The following MAP3K5 variants were observed in gnomAD, a reference collection of about 807,000 sequenced individuals.
MAP3K5 encodes the protein ASK-1.
Under a neutral mutation model 158.7 loss-of-function variants are expected in MAP3K5, and 56 were observed. The ratio of observed to expected loss-of-function variants is 0.35; its 90% CI spans 0.28 to 0.44. The LOEUF (loss-of-function observed/expected upper bound fraction) is 0.44, where lower values mean the gene tolerates loss of function less well. MAP3K5 is among the 20% of genes least tolerant of loss of function. MAP3K5 has a pLI of 1.00. For missense variants in MAP3K5, 1,294 were observed against 1,674.8 expected (o/e 0.77, Z 3.97); for synonymous variants, 579 against 601.7 (o/e 0.96, Z 0.55).
Position 136,592,573 on chromosome 6 carries a change from C to A in MAP3K5, c.2920G>T (p.Glu974Ter). 1 of 1,613,794 alleles carries A rather than the reference C, an allele frequency of 6.2e-7. No homozygotes were observed. The highest frequency in any genetic ancestry group is 8.5e-7 in the Non-Finnish European group (1 of 1,179,818). The change falls in exon 22 of 30, where the codon GAG (glutamate) becomes TAG (stop). Residue 974 changes from glutamate to a stop codon, truncating the protein, a stop_gained. Coordinates refer to ENST00000359015, the MANE Select transcript of MAP3K5 (RefSeq NM_005923.4). LOFTEE classifies it high-confidence loss of function. ...TACTCACTGCTGCTGCTGGTGTCCT[C>A]CACCAGCACAGGTACCGGCAAGGAT... ...SISLPVPVLV[E>*]DTSSSSEYGS...
intron 2 of MAP3K5, among the ~76,000 whole-genome samples, chr6:136,708,324 T>C (rs1027587847): frequency 2.0e-5 from 3 of 152,080 alleles, no homozygotes; most frequent in African/African-American, 2.4e-5. Context: ...GGCATGATCA[T>C]GGCTCACTGC....
intron 2 of MAP3K5, 53 bp downstream of exon 2, chr6:136,720,397 T>C: frequency 5.4e-6 from 8 of 1,476,708 alleles, no homozygotes; most frequent in Middle Eastern, 1.8e-4. Flanking sequence ...GACAAACCGG[T>C]ATCCCTGAAA....
chr6:136,674,723 G>A (rs1199677906), intron 7 of MAP3K5, among the ~76,000 whole-genome samples: 2 of 151,914 alleles, frequency 1.3e-5, no homozygotes, highest in Non-Finnish European at 2.9e-5. Flanking sequence ...AAGGCACACT[G>A]TAAATACAAG....
At chr6:136,614,079 C>T (rs181564413) in intron 16 of MAP3K5, 80 bp downstream of exon 16, 29 of 1,489,322 alleles carry the variant, frequency 1.9e-5, no homozygotes, top group East Asian at 9.1e-5. Flanking sequence ...AAGACCTGTA[C>T]GCTAGTAAAT....
At chr6:136,632,938 C>CA (rs1275284900) in intron 14 of MAP3K5, among the ~76,000 whole-genome samples, 1 of 151,978 alleles carries the variant, frequency 6.6e-6, no homozygotes, top group Non-Finnish European at 1.5e-5. Context: ...ATCCTTGAGT[C>CA]AAAAAACATA....
At chr6:136,726,964 T>C (rs1033260665) in intron 1 of MAP3K5, among the ~76,000 whole-genome samples, 44 of 152,302 alleles carry the variant, frequency 2.9e-4, no homozygotes, top group African/African-American at 9.4e-4. Context: ...TGTATGCCTT[T>C]TGTTTTTTGT....
intron 2 of MAP3K5, among the ~76,000 whole-genome samples, chr6:136,706,378 G>A (rs1025447505): frequency 5.3e-5 from 8 of 152,088 alleles, no homozygotes; most frequent in African/African-American, 1.9e-4. Flanking sequence ...ACACATAAAA[G>A]CTCTCAATAT....
At chr6:136,780,101 G>C (rs1784557262) in intron 1 of MAP3K5, among the ~76,000 whole-genome samples, 1 of 152,208 alleles carries the variant, frequency 6.6e-6, no homozygotes, top group Admixed American at 6.5e-5. Flanking sequence ...TCAGTGGAGG[G>C]CTGGGCTTAG....
chr6:136,632,281 G>A (rs972530968), intron 14 of MAP3K5, among the ~76,000 whole-genome samples: 2 of 152,184 alleles, frequency 1.3e-5, no homozygotes, highest in Admixed American at 1.3e-4. Context: ...AGCATTTTGG[G>A]AGGCCAAGGC....
chr6:136,745,715 A>G (rs963778002), intron 1 of MAP3K5, among the ~76,000 whole-genome samples: 8 of 152,202 alleles, frequency 5.3e-5, no homozygotes, highest in African/African-American at 1.9e-4. Flanking sequence ...AAAGCCTTCC[A>G]GCTACACACA....
intron 7 of MAP3K5, among the ~76,000 whole-genome samples, chr6:136,691,518 C>T (rs1414592883): frequency 2.7e-5 from 4 of 150,652 alleles, no homozygotes; most frequent in Non-Finnish European, 4.4e-5. Context: ...GGTTGAGGCA[C>T]GAGAATCGCT....
intron 1 of MAP3K5, among the ~76,000 whole-genome samples, chr6:136,774,504 C>G (rs750632013): frequency 6.6e-6 from 1 of 152,086 alleles, no homozygotes; most frequent in African/African-American, 2.4e-5. Context: ...ATATATAATA[C>G]GTTCATAGGC....
chr6:136,616,092 C>A (rs1048187365), intron 15 of MAP3K5, among the ~76,000 whole-genome samples: 10 of 152,042 alleles, frequency 6.6e-5, no homozygotes, highest in Admixed American at 1.3e-4. Context: ...CTATGAAGGG[C>A]ACGTATTAAA....
chr6:136,762,953 C>G (rs1013840109), intron 1 of MAP3K5, among the ~76,000 whole-genome samples: 1 of 152,182 alleles, frequency 6.6e-6, no homozygotes. Flanking sequence ...TAATACATAC[C>G]GGATGCATGT....
Position 136,694,164 on chromosome 6 carries a change from T to A in MAP3K5, c.1229A>T (p.Glu410Val). Residue 410 changes from glutamate (E) to valine (V), a missense_variant, in exon 7 of 30, where the codon GAA (glutamate) becomes GTA (valine). Coordinates refer to ENST00000359015, the MANE Select transcript of MAP3K5 (RefSeq NM_005923.4). Reference sequence around the variant, plus strand: ...CCAAGAAGCTCCATGGTCTCTGCTTTCAGTGTCCGTGAAATTAGAGTCCAA... The same window carrying A: ...CCAAGAAGCTCCATGGTCTCTGCTTACAGTGTCCGTGAAATTAGAGTCCAA... ...MFLDSNFTDT[E>V]SRDHGASWFK... 1 of 1,613,558 alleles carries A rather than the reference T, an allele frequency of 6.2e-7. No individual in the cohort carries two copies. Among genetic ancestry groups the A allele is most frequent in the Non-Finnish European group, 8.5e-7 (1 of 1,179,820 alleles).
intron 25 of MAP3K5, among the ~76,000 whole-genome samples, chr6:136,576,141 G>A (rs914947388): frequency 1.3e-5 from 2 of 151,990 alleles, no homozygotes; most frequent in Admixed American, 6.6e-5. Context: ...TGGACTCACG[G>A]ATGCTTATTT....
chr6:136,657,846 T>C (rs546266546), intron 9 of MAP3K5, among the ~76,000 whole-genome samples: 1 of 152,316 alleles, frequency 6.6e-6, no homozygotes, highest in South Asian at 2.1e-4. Flanking sequence ...CAGTGTGGTA[T>C]GAAGAGACAG....
intron 14 of MAP3K5, among the ~76,000 whole-genome samples, chr6:136,629,788 T>TTTAC (rs2129100474): frequency 6.8e-6 from 1 of 146,016 alleles, no homozygotes; most frequent in African/African-American, 2.6e-5. Flanking sequence ...TATTTATTTA[T>TTTAC]TTATTTATTT....
chr6:136,697,128 T>C, intron 5 of MAP3K5, 91 bp downstream of exon 5: 1 of 1,126,034 alleles, frequency 8.9e-7, no homozygotes, highest in South Asian at 1.7e-5. Flanking sequence ...TAACATGAAC[T>C]GCTTACCAGC....
Sources: gnomAD v4.1 joint callset for allele counts (sites outside exome capture counted in the v4.1 genomes callset) on GRCh38, gnomAD v4.1.1 for gene constraint, MANE v1.5 for transcripts, NCBI Gene and HGNC (gene_info 2026-07-23, HGNC 2026-07-21) for gene names.